Variants in LSG1 observed in about 807,000 individuals in gnomAD.
LSG1 encodes the protein large subunit GTPase 1 homolog.
LSG1 carries 55 observed loss-of-function variants against 82.6 expected under a neutral mutation model. The ratio of observed to expected loss-of-function variants is 0.67; its 90% confidence interval spans 0.54 to 0.83. The LOEUF (loss-of-function observed/expected upper bound fraction) is 0.83, where lower values mean the gene tolerates loss of function less well. LSG1 is among the 40% of genes least tolerant of loss of function. The pLI is 0.00. For synonymous variants in LSG1, 272 were observed against 282.5 expected (o/e 0.96, Z 0.37); for missense variants, 809 against 807.9 (o/e 1.00, Z -0.02).
Position 194,650,979 on chromosome 3 carries a change from A to G in LSG1, c.1321T>C (p.Leu441=), listed in dbSNP as rs1489519801. The stretch of plus-strand genomic sequence containing the variant: ...GTAGACACAAAAGATGGCATCACCA[A>G]GCCAGGACAGTCACACAGGCAGAGG... ...PGLCLCDCPG[L]VMPSFVSTKA... Residue 441 remains leucine, a synonymous_variant, in exon 10 of 14, where the codon TTG becomes CTG. Transcript: ENST00000265245. 1 of 1,614,250 alleles carries G rather than the reference A, an allele frequency of 6.2e-7. No individual in the cohort carries two copies. Among genetic ancestry groups the G allele is most frequent in the African/African-American group, 1.3e-5 (1 of 75,072 alleles).
At chr3:194,663,163 C>G (rs1718968368) in intron 5 of LSG1, among the ~76,000 whole-genome samples, 1 of 152,216 alleles carries the variant, frequency 6.6e-6, no homozygotes, top group Admixed American at 6.5e-5. Flanking sequence ...GCACTTGTTA[C>G]CATTTCTCTT....
intron 7 of LSG1, among the ~76,000 whole-genome samples, chr3:194,656,921 T>C (rs1718801663): frequency 6.6e-6 from 1 of 151,916 alleles, no homozygotes; most frequent in African/African-American, 2.4e-5. Flanking sequence ...CACCGCATAT[T>C]CTCACTCATA....
chr3:194,659,983 G>A (rs754867852), intron 6 of LSG1, 90 bp downstream of exon 6: 1 of 1,143,820 alleles, frequency 8.7e-7, no homozygotes, highest in Non-Finnish European at 1.3e-6. Flanking sequence ...AGAGAGGGCA[G>A]AATGTATGCC....
At chr3:194,660,608 C>T in intron 5 of LSG1, 1 of 300,730 alleles carries the variant, frequency 3.3e-6, no homozygotes, top group South Asian at 3.1e-5. Flanking sequence ...TTGCTGACAG[C>T]TGCCACTATT....
At chr3:194,666,139 A>C in intron 4 of LSG1, 64 bp downstream of exon 4, 5 of 1,350,784 alleles carry the variant, frequency 3.7e-6, no homozygotes, top group Non-Finnish European at 5.3e-6. Context: ...ATGGCTGTGT[A>C]AGCATGCCAA....
rs147610316 is a variant in LSG1 at position 194,653,053 on chromosome 3, G to A, written c.849C>T (p.Ser283=). ...FDQAEISHSE[S]EHLPARDSPS... ...GAGAATCCCTAGCTGGGAGATGTTCGGATTCACTGTGGGAAATTTCAGCCT... is the reference window on the plus strand; with the variant it reads ...GAGAATCCCTAGCTGGGAGATGTTCAGATTCACTGTGGGAAATTTCAGCCT... Residue 283 remains serine, a synonymous_variant, in exon 8 of 14, where the codon TCC becomes TCT. Coordinates refer to ENST00000265245, the MANE Select transcript of LSG1 (RefSeq NM_018385.3). 203 of 1,614,170 alleles carry A rather than the reference G, an allele frequency of 1.3e-4. No individual in the cohort carries two copies. The African/African-American group carries it at 2.2e-3, about 18-fold the overall frequency.
intron 12 of LSG1, chr3:194,645,018 A>C: frequency 3.3e-6 from 1 of 300,088 alleles, no homozygotes; most frequent in East Asian, 5.7e-5. Context: ...AGTATTCTTC[A>C]GTATACGGAC....
chr3:194,643,448 A>G (rs773539942), intron 13 of LSG1, among the ~76,000 whole-genome samples: 6 of 152,222 alleles, frequency 3.9e-5, no homozygotes. Context: ...ACATAAAATG[A>G]CGCTCAGCAT....
rs1416407494 is a variant in LSG1 at position 194,667,942 on chromosome 3, A to AAAT, written c.227-1371_227-1370insATT. Among the ~76,000 whole-genome samples the AAAT allele has an allele frequency of 5.7e-5, 5 of 86,968 alleles. 1 individual carries two copies. Among genetic ancestry groups the AAAT allele is most frequent in the East Asian group, 4.2e-4 (1 of 2,366 alleles). 57.1% of individuals were successfully genotyped at this position (86,968 alleles called of 152,430 possible). A position where few individuals can be genotyped will look rare whatever the true frequency, so the allele number is the denominator to read the frequency against. On this transcript the variant is annotated intron_variant, in intron 2 of 13. Coordinates refer to ENST00000265245, the MANE Select transcript of LSG1 (RefSeq NM_018385.3). Reference sequence around the variant, plus strand: ...CCGTCTCAAAAAAAAAAAAAAAAAAAATATATATATATATATATATATATA... The same window carrying AAAT: ...CCGTCTCAAAAAAAAAAAAAAAAAAAAATATATATATATATATATATATATATA...
rs936579216 is a variant in LSG1 at position 194,661,620 on chromosome 3, C to G, written c.522-1487G>C. Among the ~76,000 whole-genome samples, 3 of 152,170 alleles carry G rather than the reference C, an allele frequency of 2.0e-5. 1 individual carries two copies. The South Asian group carries it at 6.2e-4, about 32-fold the overall frequency. On this transcript the variant is annotated intron_variant, in intron 5 of 13. Coordinates refer to ENST00000265245, the MANE Select transcript of LSG1 (RefSeq NM_018385.3). The stretch of plus-strand genomic sequence containing the variant: ...TACATCTAATCTTTTCTGATAACTA[C>G]TATTAGAATTAAAGAGGCAGATGGT...
chr3:194,654,783 TAAAA>T (rs1718759355), intron 7 of LSG1, among the ~76,000 whole-genome samples: 1 of 152,072 alleles, frequency 6.6e-6, no homozygotes, highest in South Asian at 2.1e-4. Context: ...TGTTAAAAAT[TAAAA>T]GAAAGAAGGA....
rs1718378484 is a variant in LSG1, at chr3:194,641,473, G to A, written c.*595C>T. 1 of 152,196 alleles carries A rather than the reference G, an allele frequency of 6.6e-6. No individual in the cohort carries two copies. Among genetic ancestry groups the A allele is most frequent in the African/African-American group, 2.4e-5 (1 of 41,430 alleles). The allele number at this position is 152,196 out of a possible 1,614,324, so 9.4% of individuals were successfully genotyped here. On this transcript the variant is annotated 3_prime_UTR_variant, in exon 14 of 14. Coordinates refer to ENST00000265245, the MANE Select transcript of LSG1 (RefSeq NM_018385.3). ...GTCACCCGGTGGTTACATTCTACAT[G>A]TTCCTTAGTGGACGTGAGCCCCCGC...
chr3:194,647,495 T>C (rs1334765591), intron 11 of LSG1, among the ~76,000 whole-genome samples: 1 of 152,242 alleles, frequency 6.6e-6, no homozygotes, highest in Admixed American at 6.5e-5. Flanking sequence ...GCAATATCTT[T>C]GAAAATTTAC....
intron 5 of LSG1, 39 bp downstream of exon 5, chr3:194,665,518 T>A (rs1342558603): frequency 6.8e-7 from 1 of 1,468,804 alleles, no homozygotes; most frequent in African/African-American, 1.4e-5. Flanking sequence ...ATAACTTCAC[T>A]ACAATGTCTT....
intron 5 of LSG1, among the ~76,000 whole-genome samples, chr3:194,663,208 C>T (rs1490145422): frequency 6.6e-6 from 1 of 152,324 alleles, no homozygotes; most frequent in Admixed American, 6.5e-5. Flanking sequence ...CAGGAGTACA[C>T]AGCATCAACT....
At chr3:194,643,057 G>T (rs997614737) in intron 13 of LSG1, among the ~76,000 whole-genome samples, 2 of 152,202 alleles carry the variant, frequency 1.3e-5, no homozygotes, top group Admixed American at 6.5e-5. Flanking sequence ...GGATATAGCT[G>T]ATCACCCCAT....
At chr3:194,646,687 C>CT (rs1284351691) in intron 11 of LSG1, among the ~76,000 whole-genome samples, 1 of 152,014 alleles carries the variant, frequency 6.6e-6, no homozygotes, top group Non-Finnish European at 1.5e-5. Flanking sequence ...CGCCTGGCTA[C>CT]TTTTTGTATT....
Position 194,641,332 on chromosome 3 carries a change from C to T in LSG1, c.*736G>A, listed in dbSNP as rs1432543249. The T allele has an allele frequency of 1.3e-5, 2 of 152,142 alleles. No individual in the cohort carries two copies. Among genetic ancestry groups the T allele is most frequent in the Admixed American group, 1.3e-4 (2 of 15,264 alleles). 9.4% of individuals were successfully genotyped at this position (152,142 alleles called of 1,614,324 possible). On this transcript the variant is annotated 3_prime_UTR_variant, in exon 14 of 14. Transcript: ENST00000265245. ...CCTCAATCTTCCCATTCCTCCCATCCCGAAGCAACCACTAATCTACTTCCT... is the reference window on the plus strand; with the variant it reads ...CCTCAATCTTCCCATTCCTCCCATCTCGAAGCAACCACTAATCTACTTCCT...
At chr3:194,668,397 G>A (rs561775436) in intron 2 of LSG1, among the ~76,000 whole-genome samples, 4 of 152,248 alleles carry the variant, frequency 2.6e-5, no homozygotes, top group African/African-American at 7.2e-5. Flanking sequence ...CTCCCACAGC[G>A]ATGTATGGTG....
Sources: gnomAD v4.1 joint callset for allele counts (sites outside exome capture counted in the v4.1 genomes callset) on GRCh38, gnomAD v4.1.1 for gene constraint, MANE v1.5 for transcripts, NCBI Gene and HGNC (gene_info 2026-07-23, HGNC 2026-07-21) for gene names.